Variants in FILIP1L observed in about 807,000 individuals in gnomAD.
FILIP1L encodes the protein filamin A-interacting protein 1-like.
In FILIP1L, 55 loss-of-function variants were observed where a neutral mutation model predicts 96.6. That is an observed-to-expected ratio of 0.57 (90% CI 0.46 to 0.71). FILIP1L has a LOEUF of 0.71. FILIP1L is among the 30% of genes least tolerant of loss of function. FILIP1L has a pLI of 0.00. For synonymous variants in FILIP1L, 467 were observed against 473.9 expected (o/e 0.99, Z 0.19); for missense variants, 1,304 against 1,321.2 (o/e 0.99, Z 0.20).
intron 1 of FILIP1L, among the ~76,000 whole-genome samples, chr3:100,032,549 C>G (rs115779751): frequency 0.014 from 2,159 of 152,188 alleles, 31 homozygotes; most frequent in Non-Finnish European, 0.023. Context: ...AAAACTGATT[C>G]ATAACATTGT....
chr3:99,836,785 G>A (rs902818544), intron 5 of FILIP1L, among the ~76,000 whole-genome samples: 5 of 152,184 alleles, frequency 3.3e-5, no homozygotes, highest in African/African-American at 9.7e-5. Context: ...GGCTTGCTAG[G>A]GGAAAGGAAA....
At chr3:99,889,914 A>G (rs1706030317) in intron 4 of FILIP1L, among the ~76,000 whole-genome samples, 1 of 152,080 alleles carries the variant, frequency 6.6e-6, no homozygotes, top group Admixed American at 6.6e-5. Context: ...ATAGGACATT[A>G]TAATCTATTA....
chr3:99,861,098 C>G, intron 4 of FILIP1L, among the ~76,000 whole-genome samples: 1 of 152,076 alleles, frequency 6.6e-6, no homozygotes, highest in East Asian at 1.9e-4. Flanking sequence ...CACCACCACT[C>G]TGAATTGGGG....
At chr3:100,055,064 C>G (rs777334249) in intron 1 of FILIP1L, among the ~76,000 whole-genome samples, 1 of 152,106 alleles carries the variant, frequency 6.6e-6, no homozygotes, top group Non-Finnish European at 1.5e-5. Context: ...GTTGTCAGGT[C>G]ACAGTTGTCT....
chr3:99,999,639 C>T (rs754374188), intron 1 of FILIP1L, among the ~76,000 whole-genome samples: 11 of 152,222 alleles, frequency 7.2e-5, no homozygotes, highest in East Asian at 1.9e-4. Flanking sequence ...TTTCAGTCAG[C>T]GCTTTGCTAA....
In FILIP1L at chr3:99,849,693, T is replaced by C; in HGVS notation, c.1983A>G (p.Arg661=). ...KTEDEYETLE[R]RYANERDKAQ... is the part of the protein sequence containing the mutation. ...CTTTGTCTCGTTCATTAGCATACCT[T>C]CGTTCTAGAGTCTCATATTCATCTT... The change falls in exon 5 of 6, where the codon CGA becomes CGG. Residue 661 remains arginine (R), a synonymous_variant. Transcript: ENST00000477258. 1.9e-6 allele frequency: 3 copies of C among 1,613,604 alleles called. No individual in the cohort carries two copies. The highest frequency in any genetic ancestry group is 2.5e-6 in the Non-Finnish European group (3 of 1,179,956).
At chr3:100,039,951 C>G (rs1193856474) in intron 1 of FILIP1L, 2 of 152,122 alleles carry the variant, frequency 1.3e-5, no homozygotes, top group Non-Finnish European at 2.9e-5. Flanking sequence ...GATGGGGTTT[C>G]ACTGTGTTAG....
At chr3:100,060,141 A>G (rs973821589) in intron 1 of FILIP1L, among the ~76,000 whole-genome samples, 2 of 152,152 alleles carry the variant, frequency 1.3e-5, no homozygotes, top group African/African-American at 4.8e-5. Context: ...TGTGTGTCAC[A>G]TGGTGGGTGG....
At chr3:99,965,884 C>G (rs533925383) in intron 1 of FILIP1L, among the ~76,000 whole-genome samples, 148 of 152,294 alleles carry the variant, frequency 9.7e-4, no homozygotes, top group Non-Finnish European at 1.7e-3. Context: ...TGTTGTCCAG[C>G]CTGCCGCCAC....
At chr3:100,007,305 AT>A (rs1559722978) in intron 1 of FILIP1L, among the ~76,000 whole-genome samples, 1 of 152,098 alleles carries the variant, frequency 6.6e-6, no homozygotes, top group Non-Finnish European at 1.5e-5. Context: ...ATTTCCTGAA[AT>A]TTTTATTTGA....
intron 1 of FILIP1L, among the ~76,000 whole-genome samples, chr3:100,063,406 G>A (rs1459925638): frequency 6.6e-6 from 1 of 151,966 alleles, no homozygotes. Flanking sequence ...TCTTCTTGGT[G>A]TAATTATTAT....
intron 1 of FILIP1L, among the ~76,000 whole-genome samples, chr3:100,100,555 A>G (rs1408008629): frequency 6.6e-6 from 1 of 152,312 alleles, no homozygotes; most frequent in East Asian, 1.9e-4. Flanking sequence ...ATGGTTCTAC[A>G]TGTCTTCAGA....
chr3:99,912,499 G>T (rs1039689209), intron 4 of FILIP1L, among the ~76,000 whole-genome samples: 2 of 152,000 alleles, frequency 1.3e-5, no homozygotes, highest in East Asian at 3.9e-4. Context: ...TACCTCAGCC[G>T]CCCAGGTAGC....
chr3:100,062,157 G>A (rs1467028028), intron 1 of FILIP1L, among the ~76,000 whole-genome samples: 1 of 124,172 alleles, frequency 8.1e-6, no homozygotes, highest in Non-Finnish European at 1.6e-5. Flanking sequence ...TGTCCCCCAG[G>A]CTGGAGTGCA....
chr3:100,042,155 A>T (rs922971623), intron 1 of FILIP1L, among the ~76,000 whole-genome samples: 1 of 152,212 alleles, frequency 6.6e-6, no homozygotes, highest in Non-Finnish European at 1.5e-5. Flanking sequence ...ATATTAAAGG[A>T]TCTACAAAGG....
At chr3:99,879,497 A>G (rs981830018) in intron 4 of FILIP1L, among the ~76,000 whole-genome samples, 2 of 152,218 alleles carry the variant, frequency 1.3e-5, no homozygotes, top group Admixed American at 1.3e-4. Context: ...TTTTGAAGTA[A>G]CTGCTCTTAT....
intron 1 of FILIP1L, among the ~76,000 whole-genome samples, chr3:100,069,143 C>T (rs748288042): frequency 3.3e-5 from 5 of 152,138 alleles, no homozygotes; most frequent in Non-Finnish European, 7.4e-5. Flanking sequence ...TGTAAGGCTC[C>T]TACTCCTTTA....
intron 4 of FILIP1L, among the ~76,000 whole-genome samples, chr3:99,911,199 A>G (rs1032023078): frequency 1.3e-5 from 2 of 152,004 alleles, no homozygotes; most frequent in African/African-American, 4.8e-5. Context: ...CTTCAATCCT[A>G]TTTGGCTGTA....
rs150649329 is a variant in FILIP1L, at chr3:99,949,804, A to G, written c.-10-18774T>C. On this transcript the variant is annotated intron_variant, in intron 1 of 5. Coordinates refer to ENST00000477258, the MANE Select transcript of FILIP1L (RefSeq NM_001387850.1). ...CTTCTAAGTTCTGAGAATCAGAATG[A>G]GACTTACATGTAGAAATAATTCTTT... Among the ~76,000 whole-genome samples, 1,101 of 152,334 alleles carry G rather than the reference A, an allele frequency of 7.2e-3. 18 individuals are homozygous for G. Among genetic ancestry groups the G allele is most frequent in the African/African-American group, 0.024 (1,014 of 41,564 alleles).
Sources: gnomAD v4.1 joint callset for allele counts (sites outside exome capture counted in the v4.1 genomes callset) on GRCh38, gnomAD v4.1.1 for gene constraint, MANE v1.5 for transcripts, NCBI Gene and HGNC (gene_info 2026-07-23, HGNC 2026-07-21) for gene names.